The following TRIOBP variants were observed in gnomAD, a reference collection of about 807,000 sequenced individuals.
TRIOBP encodes the protein TRIO and F-actin binding protein.
A neutral mutation model predicts 238.8 loss-of-function variants in TRIOBP; 169 were observed. The observed-to-expected ratio is 0.71, with a 90% CI of 0.62 to 0.80. TRIOBP has a LOEUF of 0.80. Among genes scored for constraint, TRIOBP ranks in the 30% least tolerant of loss-of-function variants. The pLI is 0.00. For missense variants in TRIOBP, 2,838 were observed against 3,122.6 expected (o/e 0.91, Z 2.17); for synonymous variants, 1,150 against 1,274.4 (o/e 0.90, Z 2.08).
chr22:37,719,006 C>G (rs1322626295), intron 6 of TRIOBP, among the ~76,000 whole-genome samples: 1 of 151,000 alleles, frequency 6.6e-6, no homozygotes, highest in African/African-American at 2.4e-5. Flanking sequence ...GCCACCACGC[C>G]CAGCTGACTT....
At position 37,734,867 on chromosome 22, in the gene TRIOBP, C is replaced by T. The variant is rs1924591044; in HGVS notation, c.4531C>T (p.Pro1511Ser). 48 of 1,613,018 alleles carry T rather than the reference C, an allele frequency of 3.0e-5. No individual in the cohort carries two copies. The highest frequency in any genetic ancestry group is 4.1e-5 in the Non-Finnish European group (48 of 1,179,988). Residue 1511 changes from proline to serine, a missense_variant, in exon 9 of 24, where the codon CCA becomes TCA. Pro to Ser is a moderately conservative substitution (Grantham distance 74). Coordinates refer to ENST00000644935, the MANE Select transcript of TRIOBP (RefSeq NM_001039141.3). ...CCCCAGAGAACTAGGAAAGAGAAGC[C>T]CACTCACGAGCCCCCCTGAGAACTG... The part of the protein sequence containing the change: ...ELPRELGKRS[P>S]LTSPPENWGG...
chr22:37,726,487 T>C lies in TRIOBP; in HGVS notation c.3931T>C (p.Phe1311Leu). Residue 1311 changes from phenylalanine (F) to leucine (L), a missense_variant, in exon 7 of 24, where the codon TTC (phenylalanine) becomes CTC (leucine). This residue lies in a region of TRIOBP where 2,096 missense variants were observed against 2,137.4 expected (regional missense o/e 0.98). Transcript: ENST00000644935. Reference sequence around the variant, plus strand: ...TGGCCGTGCAGAGGTGGAGCGCCTCTTCGGGCAAGAGCGCAGGTGAGCCCG... The same window carrying C: ...TGGCCGTGCAGAGGTGGAGCGCCTCCTCGGGCAAGAGCGCAGGTGAGCCCG... ...SPGRAEVERL[F>L]GQERRKSEAA... 1 of 1,528,790 alleles carries C rather than the reference T, an allele frequency of 6.5e-7. No homozygotes were observed. The highest frequency in any genetic ancestry group is 8.7e-7 in the Non-Finnish European group (1 of 1,143,750). 94.7% of individuals were successfully genotyped at this position (1,528,790 alleles called of 1,614,324 possible). A position where few individuals can be genotyped will look rare whatever the true frequency, so the allele number is the denominator to read the frequency against.
intron 11 of TRIOBP, among the ~76,000 whole-genome samples, chr22:37,746,051 G>GCCA (rs1925224172): frequency 3.9e-5 from 4 of 101,602 alleles, no homozygotes; most frequent in African/African-American, 1.3e-4. Context: ...CCACCCCGCC[G>GCCA]TCCCGCCGTC....
chr22:37,751,759 C>T lies in TRIOBP; in HGVS notation c.5323-13C>T, dbSNP rs1238890697. 1.9e-6 allele frequency: 3 copies of T among 1,614,126 alleles called. No individual in the cohort carries two copies. Among genetic ancestry groups the T allele is most frequent in the Admixed American group, 1.7e-5 (1 of 60,014 alleles). ...GCTGGACCCAACTCACCTCCCTCCT[C>T]ATCTCCCCACAGCCCGATCTGCTCA... On this transcript the variant is annotated splice_polypyrimidine_tract_variant and intron_variant, in intron 11 of 23. Transcript: ENST00000644935.
At chr22:37,759,833 C>A in intron 17 of TRIOBP, 1 of 1,206,986 alleles carries the variant, frequency 8.3e-7, no homozygotes. Flanking sequence ...ACAACTAGGA[C>A]AAACTAACTC....
intron 11 of TRIOBP, among the ~76,000 whole-genome samples, chr22:37,742,731 T>C (rs997761781): frequency 3.3e-5 from 5 of 152,156 alleles, no homozygotes; most frequent in African/African-American, 1.2e-4. Context: ...AAGTCCTTGG[T>C]AGAGCGAAGG....
In TRIOBP at chr22:37,703,283, C is replaced by T. The variant is rs188690176; in HGVS notation, c.114+1804C>T. Among the ~76,000 whole-genome samples, 63 of 152,006 alleles carry T rather than the reference C, an allele frequency of 4.1e-4. No individual in the cohort carries two copies. The East Asian group carries it at 0.011, about 27-fold the overall frequency. ...TGCTGGGATTACAGGTGTGAGCCAC[C>T]GCGCCTGGCCGAGATTTTCTTCTTC... On this transcript the variant is annotated intron_variant, in intron 3 of 23. Coordinates refer to ENST00000644935, the MANE Select transcript of TRIOBP (RefSeq NM_001039141.3).
chr22:37,765,874 C>A, intron 18 of TRIOBP, 57 bp downstream of exon 18: 2 of 1,532,774 alleles, frequency 1.3e-6, no homozygotes, highest in Admixed American at 2.0e-5. Context: ...TGCTGAGGTT[C>A]CTCCTAGCCA....
Position 37,733,311 on chromosome 22 carries a change from G to T in TRIOBP, c.3961G>T (p.Ala1321Ser), listed in dbSNP as rs1329573714. ...FGQERRKSEA[A>S]GAFQAQDEGR... ...ATTTGCTCATAGGAAGTCCGAGGCA[G>T]CGGGGGCCTTCCAGGCCCAGGACGA... The change falls in exon 8 of 24, where the codon GCG becomes TCG. Residue 1321 changes from alanine to serine, a missense_variant. Physicochemically the swap from Ala to Ser is moderately conservative, Grantham distance 99. Coordinates refer to ENST00000644935, the MANE Select transcript of TRIOBP (RefSeq NM_001039141.3). The T allele has an allele frequency of 6.4e-7, 1 of 1,550,710 alleles. No individual in the cohort carries two copies. The highest frequency in any genetic ancestry group is 8.7e-7 in the Non-Finnish European group (1 of 1,147,044).
intron 15 of TRIOBP, among the ~76,000 whole-genome samples, chr22:37,756,400 C>T (rs369980274): frequency 8.5e-5 from 13 of 152,294 alleles, no homozygotes; most frequent in South Asian, 4.1e-4. Context: ...GGCCACACCG[C>T]GGCTATTCAG....
At chr22:37,703,888 A>C (rs1030258045) in intron 3 of TRIOBP, among the ~76,000 whole-genome samples, 3 of 152,172 alleles carry the variant, frequency 2.0e-5, no homozygotes, top group Admixed American at 6.6e-5. Flanking sequence ...CTGGGAGTCC[A>C]TCTTTCATGC....
rs547996145 is a variant in TRIOBP, at chr22:37,717,211, C to T, written c.628+1277C>T. On this transcript the variant is annotated intron_variant, in intron 6 of 23. Coordinates refer to ENST00000644935, the MANE Select transcript of TRIOBP (RefSeq NM_001039141.3). ...ACGCGTCCGCAGTTGTTCTTTCCTC[C>T]CTGTGGGTTCATGGTCTGGATGGCT... Among the ~76,000 whole-genome samples, 414 of 152,210 alleles carry T rather than the reference C, an allele frequency of 2.7e-3. 3 individuals carry two copies. Among genetic ancestry groups the T allele is most frequent in the African/African-American group, 9.6e-3 (397 of 41,514 alleles).
chr22:37,715,743 C>T lies in TRIOBP; in HGVS notation c.457-20C>T. ...CTTTTTTCTCCCGCAAACATACTTTCTCCTCCCCTTCTCTGGCAGGACTGG... is the reference window on the plus strand; with the variant it reads ...CTTTTTTCTCCCGCAAACATACTTTTTCCTCCCCTTCTCTGGCAGGACTGG... On this transcript the variant is annotated intron_variant, in intron 5 of 23. Transcript: ENST00000644935. The T allele has an allele frequency of 1.2e-6, 2 of 1,612,930 alleles. No homozygotes were observed. Among genetic ancestry groups the T allele is most frequent in the East Asian group, 2.2e-5 (1 of 44,882 alleles).
chr22:37,744,277 T>C (rs1288306632), intron 11 of TRIOBP, among the ~76,000 whole-genome samples: 1 of 152,080 alleles, frequency 6.6e-6, no homozygotes, highest in African/African-American at 2.4e-5. Context: ...CCTAAAGTGC[T>C]GAGATTACAG....
chr22:37,742,775 G>A (rs139941703), intron 11 of TRIOBP, among the ~76,000 whole-genome samples: 104 of 152,322 alleles, frequency 6.8e-4, no homozygotes, highest in African/African-American at 2.5e-3. Context: ...CTGGGGTAAT[G>A]ATGCTGGCTA....
Position 37,723,510 on chromosome 22 carries a change from C to T in TRIOBP, c.954C>T (p.Asp318=), listed in dbSNP as rs777397872. The T allele has an allele frequency of 3.1e-6, 5 of 1,613,710 alleles. No homozygotes were observed. In the South Asian group the frequency reaches 4.4e-5, roughly 14 times the overall value. The part of the protein sequence containing the change: ...ETSRASSTQE[D]TPRASSTQED... ...CCAGGGCCTCATCCACCCAAGAGGA[C>T]ACCCCTAGGGCCTCATCCACCCAAG... The change falls in exon 7 of 24, where the codon GAC becomes GAT. Residue 318 remains aspartate, a synonymous_variant. Transcript: ENST00000644935.
intron 18 of TRIOBP, among the ~76,000 whole-genome samples, chr22:37,767,683 C>G (rs1926570398): frequency 6.6e-6 from 1 of 152,148 alleles, no homozygotes; most frequent in African/African-American, 2.4e-5. Context: ...GCAGATAGGC[C>G]TTGTTTGAGA....
intron 5 of TRIOBP, among the ~76,000 whole-genome samples, chr22:37,715,496 C>A (rs1569036426): frequency 6.6e-6 from 1 of 152,070 alleles, no homozygotes; most frequent in Non-Finnish European, 1.5e-5. Flanking sequence ...GTGCCCGCCA[C>A]CACGCCCAGC....
intron 11 of TRIOBP, among the ~76,000 whole-genome samples, chr22:37,749,509 G>GAA (rs1925464834): frequency 6.6e-6 from 1 of 152,130 alleles, no homozygotes; most frequent in Non-Finnish European, 1.5e-5. Context: ...CAGTACTCCC[G>GAA]AAAGGCGGAA....
Sources: allele counts gnomAD v4.1 joint callset (sites outside exome capture counted in the v4.1 genomes callset), GRCh38; gene constraint gnomAD v4.1.1; regional missense constraint gnomAD v4.1.1; transcripts MANE v1.5; gene names NCBI Gene and HGNC (gene_info 2026-07-23, HGNC 2026-07-21).